The following KCNIP4 variants were observed in gnomAD, a reference collection of about 807,000 sequenced individuals.
KCNIP4 encodes potassium voltage-gated channel interacting protein 4.
KCNIP4 carries 12 observed loss-of-function variants against 34.0 expected under a neutral mutation model. That is an observed-to-expected ratio of 0.35 (90% CI 0.23 to 0.57). The LOEUF is 0.57. Among genes scored for constraint, KCNIP4 ranks in the 20% least tolerant of loss-of-function variants. KCNIP4 has a pLI of 0.83. For synonymous variants in KCNIP4, 124 were observed against 102.2 expected (o/e 1.21, Z -1.29); for missense variants, 238 against 311.7 (o/e 0.76, Z 1.78).
intron 1 of KCNIP4, among the ~76,000 whole-genome samples, chr4:21,293,547 G>T (rs1763665570): frequency 6.6e-6 from 1 of 152,076 alleles, no homozygotes; most frequent in Non-Finnish European, 1.5e-5. Flanking sequence ...AGTCTAAATG[G>T]CCACAGAGAT....
At chr4:21,921,592 A>G (rs1286426811) in intron 1 of KCNIP4, among the ~76,000 whole-genome samples, 1 of 152,108 alleles carries the variant, frequency 6.6e-6, no homozygotes, top group African/African-American at 2.4e-5. Flanking sequence ...TCCCCATGTC[A>G]GTAAGCAAGG....
chr4:21,291,923 GAAAGAAAGAAAGAAA>G (rs1560260129), intron 1 of KCNIP4, among the ~76,000 whole-genome samples: 1 of 65,454 alleles, frequency 1.5e-5, no homozygotes, highest in African/African-American at 1.1e-4. Context: ...AAGAAAGAAA[GAAAGAAAGAAAGAAA>G]AAAAAAGAAA....
chr4:20,850,493 A>T (rs373563417), intron 3 of KCNIP4, 50 bp downstream of exon 3: 1 of 1,590,298 alleles, frequency 6.3e-7, no homozygotes, highest in East Asian at 2.2e-5. Flanking sequence ...TCATTTCTCA[A>T]TGCTCCTCTG....
chr4:21,030,638 GT>G (rs1740942918), intron 1 of KCNIP4, among the ~76,000 whole-genome samples: 1 of 152,068 alleles, frequency 6.6e-6, no homozygotes, highest in South Asian at 2.1e-4. Context: ...GAAATGCTTT[GT>G]TTAACTAGAA....
chr4:21,845,016 G>A (rs1052517703), intron 1 of KCNIP4: 23 of 150,910 alleles, frequency 1.5e-4, no homozygotes, highest in African/African-American at 5.3e-4. Flanking sequence ...TTTGGTTTAC[G>A]GTTTTAATTC....
chr4:21,692,583 A>T (rs780323227), intron 1 of KCNIP4, among the ~76,000 whole-genome samples: 12 of 152,190 alleles, frequency 7.9e-5, no homozygotes, highest in Non-Finnish European at 1.3e-4. Context: ...TGGAAGAAAG[A>T]GCAAAAGAAA....
chr4:21,208,957 T>C (rs1414570249), intron 1 of KCNIP4, among the ~76,000 whole-genome samples: 2 of 152,024 alleles, frequency 1.3e-5, no homozygotes, highest in Non-Finnish European at 2.9e-5. Context: ...GAACTCACTC[T>C]CTATAAAGAG....
intron 1 of KCNIP4, among the ~76,000 whole-genome samples, chr4:21,816,817 G>A (rs748649310): frequency 1.3e-5 from 2 of 152,096 alleles, no homozygotes; most frequent in Non-Finnish European, 2.9e-5. Flanking sequence ...TGCCCAATCT[G>A]GAGCATATTT....
rs573273365 is a variant in KCNIP4, at chr4:21,876,348, C to T, written c.61+72223G>A. Among the ~76,000 whole-genome samples the T allele has an allele frequency of 2.0e-5, 3 of 152,170 alleles. No individual in the cohort carries two copies. In the East Asian group the frequency reaches 5.8e-4, roughly 29 times the overall value. On this transcript the variant is annotated intron_variant, in intron 1 of 8. Coordinates refer to ENST00000382152, the MANE Select transcript of KCNIP4 (RefSeq NM_025221.6). ...GCTTACACACCCATAATTTAAGGAC[C>T]TTAAATTCACTGGAAGTTAGTAAAA...
intron 1 of KCNIP4, among the ~76,000 whole-genome samples, chr4:20,998,252 G>C (rs150684714): frequency 4.5e-4 from 68 of 152,304 alleles, no homozygotes; most frequent in African/African-American, 1.6e-3. Flanking sequence ...CAAGAGAAGA[G>C]AGAGCATCAG....
intron 1 of KCNIP4, among the ~76,000 whole-genome samples, chr4:21,417,902 G>T (rs1453605072): frequency 6.6e-6 from 1 of 152,080 alleles, no homozygotes; most frequent in Non-Finnish European, 1.5e-5. Flanking sequence ...TCTCAGTTTG[G>T]CCTAAGTTGG....
At position 20,841,394 on chromosome 4, in the gene KCNIP4, C is replaced by A. The variant is rs1418729712; in HGVS notation, c.288+9149G>T. 2.0e-5 allele frequency among the ~76,000 whole-genome samples: 3 copies of A among 152,088 alleles called. No homozygotes were observed. The East Asian group carries it at 5.8e-4, about 29-fold the overall frequency. On this transcript the variant is annotated intron_variant, in intron 3 of 8. Coordinates refer to ENST00000382152, the MANE Select transcript of KCNIP4 (RefSeq NM_025221.6). ...GAGGAGTCCACAAGCAAAGAGGAAA[C>A]CCAAAATAAGCACTATGATGGGAGC...
intron 1 of KCNIP4, among the ~76,000 whole-genome samples, chr4:21,530,589 C>T (rs1006146461): frequency 9.9e-5 from 15 of 152,102 alleles, no homozygotes; most frequent in African/African-American, 2.4e-4. Context: ...AGGAAGGCAA[C>T]GCATAGACCA....
chr4:21,209,323 T>C (rs1016203015), intron 1 of KCNIP4, among the ~76,000 whole-genome samples: 2 of 152,160 alleles, frequency 1.3e-5, no homozygotes, highest in African/African-American at 4.8e-5. Flanking sequence ...AGTCATCCTA[T>C]AGTGCTATAA....
intron 1 of KCNIP4, among the ~76,000 whole-genome samples, chr4:21,536,485 T>C (rs1737175104): frequency 1.3e-5 from 2 of 150,894 alleles, no homozygotes; most frequent in African/African-American, 4.9e-5. Context: ...CCTCATTTAA[T>C]ATGGTTAACA....
intron 1 of KCNIP4, among the ~76,000 whole-genome samples, chr4:21,614,011 C>T (rs11942107): frequency 0.2 from 30,215 of 151,312 alleles, 3,025 homozygotes; most frequent in Middle Eastern, 0.26. Context: ...ATTAGCCAGG[C>T]GTGGTAGCAT....
chr4:20,962,040 C>A (rs752209201), intron 1 of KCNIP4, among the ~76,000 whole-genome samples: 37 of 152,306 alleles, frequency 2.4e-4, no homozygotes, highest in Admixed American at 1.9e-3. Flanking sequence ...TCACTTTCTT[C>A]CTCCTTGGGG....
intron 2 of KCNIP4, among the ~76,000 whole-genome samples, chr4:20,870,906 C>T (rs1170686015): frequency 6.6e-6 from 1 of 152,078 alleles, no homozygotes; most frequent in Non-Finnish European, 1.5e-5. Context: ...CTCTAAGGCT[C>T]ATTTCAGTGG....
At chr4:20,968,247 G>C (rs1355579086) in intron 1 of KCNIP4, among the ~76,000 whole-genome samples, 1 of 152,138 alleles carries the variant, frequency 6.6e-6, no homozygotes, top group African/African-American at 2.4e-5. Flanking sequence ...ACACCAGTTA[G>C]AATGGTGATC....
Sources: allele counts gnomAD v4.1 joint callset (sites outside exome capture counted in the v4.1 genomes callset), GRCh38; gene constraint gnomAD v4.1.1; transcripts MANE v1.5; gene names NCBI Gene and HGNC (gene_info 2026-07-23, HGNC 2026-07-21).